KIDINS220: variants seen among roughly 807,000 people sequenced by gnomAD.
KIDINS220 encodes kinase D-interacting substrate of 220 kDa.
Under a neutral mutation model 157.6 loss-of-function variants are expected in KIDINS220, and 63 were observed. That is an observed-to-expected ratio of 0.40 (90% confidence interval 0.33 to 0.49). The LOEUF is 0.49. KIDINS220 is among the 20% of genes least tolerant of loss of function. The probability of loss-of-function intolerance (pLI) is 0.66; values close to 1 mark genes in which losing one functional copy is unlikely to be tolerated. For synonymous variants in KIDINS220, 732 were observed against 783.6 expected (o/e 0.93, Z 1.10); for missense variants, 1,772 against 2,171.2 (o/e 0.82, Z 3.65).
At chr2:8,732,244 A>C (rs1167661084) in intron 29 of KIDINS220, among the ~76,000 whole-genome samples, 1 of 152,198 alleles carries the variant, frequency 6.6e-6, no homozygotes, top group Non-Finnish European at 1.5e-5. Flanking sequence ...TTAACAAATA[A>C]TCTTAGCACT....
At chr2:8,818,337 T>C (rs1677384741) in intron 3 of KIDINS220, among the ~76,000 whole-genome samples, 2 of 152,128 alleles carry the variant, frequency 1.3e-5, no homozygotes, top group Non-Finnish European at 2.9e-5. Flanking sequence ...GAAGGGACCA[T>C]ATATTCCTGG....
At chr2:8,748,061 A>G (rs937750683) in intron 24 of KIDINS220, 61 bp from the exon 25 acceptor site, 2 of 965,782 alleles carry the variant, frequency 2.1e-6, no homozygotes. Context: ...GTGTAATGAG[A>G]TTTTTCAAAT....
chr2:8,726,879 T>C, downstream of KIDINS220: 1 of 1,284,916 alleles, frequency 7.8e-7, no homozygotes, highest in Non-Finnish European at 1.0e-6. Flanking sequence ...AACTAATTTT[T>C]TACATACCTT....
intron 12 of KIDINS220, among the ~76,000 whole-genome samples, chr2:8,791,888 GA>G (rs566044253): frequency 2.7e-5 from 4 of 150,864 alleles, no homozygotes; most frequent in African/African-American, 7.3e-5. Context: ...TGTAAGAATA[GA>G]AAAAAAAATT....
chr2:8,729,882 A>T lies in KIDINS220; in HGVS notation c.*838T>A, dbSNP rs1013354361. On this transcript the variant is annotated 3_prime_UTR_variant, in exon 30 of 30. Transcript: ENST00000256707. ...GTCTCCCTGATTTTCCAGAAAAAGAATTCATGTTTTTTTTTCTTCTCATTG... is the reference window on the plus strand; with the variant it reads ...GTCTCCCTGATTTTCCAGAAAAAGATTTCATGTTTTTTTTTCTTCTCATTG... 27 of 985,074 alleles carry T rather than the reference A, an allele frequency of 2.7e-5. No individual in the cohort carries two copies. Among genetic ancestry groups the T allele is most frequent in the Non-Finnish European group, 3.0e-5 (25 of 829,794 alleles). 61.0% of individuals were successfully genotyped at this position (985,074 alleles called of 1,614,324 possible).
chr2:8,832,197 A>G (rs1679739379), intron 1 of KIDINS220, among the ~76,000 whole-genome samples: 1 of 152,190 alleles, frequency 6.6e-6, no homozygotes, highest in African/African-American at 2.4e-5. Context: ...AACGTTCCCT[A>G]GGACAGGCAT....
intron 26 of KIDINS220, among the ~76,000 whole-genome samples, chr2:8,746,032 C>G (rs1438586729): frequency 6.6e-6 from 1 of 151,548 alleles, no homozygotes; most frequent in Admixed American, 6.6e-5. Context: ...CTCTGTCGCC[C>G]AGGCTCTAAA....
At chr2:8,780,384 T>C (rs1671526866) in intron 17 of KIDINS220, among the ~76,000 whole-genome samples, 1 of 152,156 alleles carries the variant, frequency 6.6e-6, no homozygotes, top group East Asian at 1.9e-4. Flanking sequence ...ACTCCAAATA[T>C]GTATTTCCAC....
chr2:8,764,812 C>T (rs968417950), intron 22 of KIDINS220, among the ~76,000 whole-genome samples: 2 of 152,146 alleles, frequency 1.3e-5, no homozygotes, highest in Non-Finnish European at 1.5e-5. Context: ...CAGAAATACC[C>T]ACTACTGCCT....
rs754259960 is a variant in KIDINS220 at position 8,817,678 on chromosome 2, C to T, written c.246G>A (p.Gly82=). ...WTALISASKE[G]HVHIVEELLK... The stretch of plus-strand genomic sequence containing the variant: ...GTAGTTCCTCTACGATGTGCACATG[C>T]CCTTCTTTCGATGCAGATATAAGTG... Residue 82 remains glycine, a synonymous_variant, in exon 4 of 30, where the codon GGG becomes GGA. Transcript: ENST00000256707. 12 of 1,607,550 alleles carry T rather than the reference C, an allele frequency of 7.5e-6. No homozygotes were observed. In the Admixed American group the frequency reaches 1.9e-4, roughly 25 times the overall value.
At chr2:8,754,495 GA>G (rs1396768828) in intron 22 of KIDINS220, among the ~76,000 whole-genome samples, 1 of 152,168 alleles carries the variant, frequency 6.6e-6, no homozygotes. Context: ...TGAATCATGT[GA>G]ATTAAAGTTG....
chr2:8,731,892 C>T lies in KIDINS220; in HGVS notation c.4144G>A (p.Glu1382Lys), dbSNP rs1664164573. The T allele has an allele frequency of 1.9e-6, 3 of 1,613,978 alleles. No individual in the cohort carries two copies. The highest frequency in any genetic ancestry group is 2.5e-6 in the Non-Finnish European group (3 of 1,179,998). The change falls in exon 30 of 30, where the codon GAG becomes AAG. Residue 1382 changes from glutamate to lysine, a missense_variant. Glu to Lys is a moderately conservative substitution (Grantham distance 56, BLOSUM62 1). This residue lies in a region of KIDINS220 where 793 missense variants were observed against 885.5 expected (regional missense o/e 0.90). Transcript: ENST00000256707. This position sits in a 1 kb window ranked among gnomAD's most constrained non-coding sequence, Gnocchi z 5.2. ...TATTCTCTATAGGCATCTCTATACT[C>T]GGCCTGCACCTTATCAGTAAGCTTT... ...ISKLTDKVQA[E>K]YRDAYREYIA... is the part of the protein sequence containing the mutation.
At chr2:8,781,169 AG>A (rs1671689834) in intron 17 of KIDINS220, among the ~76,000 whole-genome samples, 2 of 142,582 alleles carry the variant, frequency 1.4e-5, no homozygotes, top group African/African-American at 2.6e-5. Flanking sequence ...TATATATTAA[AG>A]GGGGGCATTA....
intron 1 of KIDINS220, among the ~76,000 whole-genome samples, chr2:8,828,199 G>A (rs73916013): frequency 0.011 from 1,746 of 152,232 alleles, 35 homozygotes; most frequent in African/African-American, 0.04. Context: ...ACTGAGCACC[G>A]TCCCACCTCG....
chr2:8,788,332 G>A (rs1364419850), intron 15 of KIDINS220, among the ~76,000 whole-genome samples: 2 of 151,478 alleles, frequency 1.3e-5, no homozygotes, highest in African/African-American at 2.4e-5. Context: ...GCAATGGCGC[G>A]ATCCTGGCTC....
At chr2:8,789,462 G>T (rs867255193) in intron 14 of KIDINS220, among the ~76,000 whole-genome samples, 1 of 151,778 alleles carries the variant, frequency 6.6e-6, no homozygotes, top group Non-Finnish European at 1.5e-5. Context: ...TAATTTTTTT[G>T]TATATTTAGT....
At chr2:8,793,219 G>A (rs553335619) in intron 12 of KIDINS220, among the ~76,000 whole-genome samples, 80 of 152,026 alleles carry the variant, frequency 5.3e-4, no homozygotes, top group African/African-American at 1.9e-3. Context: ...TAAAAAAATA[G>A]AATCATGGCC....
chr2:8,763,449 CATTTCAG>C (rs1669042162), intron 22 of KIDINS220, among the ~76,000 whole-genome samples: 2 of 152,208 alleles, frequency 1.3e-5, no homozygotes, highest in African/African-American at 4.8e-5. Flanking sequence ...GATTTGGGGG[CATTTCAG>C]ATTTCAGATT....
At chr2:8,827,972 T>C (rs1182175792) in intron 1 of KIDINS220, among the ~76,000 whole-genome samples, 1 of 152,168 alleles carries the variant, frequency 6.6e-6, no homozygotes, top group African/African-American at 2.4e-5. Flanking sequence ...CCTGTGACAC[T>C]GACAACACTG....
Sources: allele counts gnomAD v4.1 joint callset (sites outside exome capture counted in the v4.1 genomes callset), GRCh38; gene constraint gnomAD v4.1.1; regional missense constraint gnomAD v4.1.1; non-coding constraint Gnocchi (gnomAD v3.1); transcripts MANE v1.5; gene names NCBI Gene and HGNC (gene_info 2026-07-23, HGNC 2026-07-21).